Variants in NUDCD1 observed in about 807,000 individuals in gnomAD.
The protein encoded by NUDCD1 is NudC domain containing 1.
Under a neutral mutation model 67.8 loss-of-function variants are expected in NUDCD1, and 60 were observed. The ratio of observed to expected loss-of-function variants is 0.88; its 90% CI spans 0.72 to 1.10. The LOEUF (loss-of-function observed/expected upper bound fraction) is 1.10. Ranked by LOEUF, NUDCD1 falls within the 50% of genes least tolerant of loss-of-function variation. The pLI, the probability that NUDCD1 is intolerant of heterozygous loss-of-function variation, is 0.00. For missense variants in NUDCD1, 643 were observed against 695.0 expected (o/e 0.93, Z 0.84); for synonymous variants, 244 against 230.8 (o/e 1.06, Z -0.52).
chr8:109,300,673 A>G (rs968564804), intron 2 of NUDCD1, among the ~76,000 whole-genome samples: 1 of 152,184 alleles, frequency 6.6e-6, no homozygotes, highest in Admixed American at 6.5e-5. Flanking sequence ...TGGAAAACAT[A>G]TTTGGGGGAA....
intron 8 of NUDCD1, among the ~76,000 whole-genome samples, chr8:109,257,230 C>T (rs1813760481): frequency 6.6e-6 from 1 of 152,010 alleles, no homozygotes; most frequent in African/African-American, 2.4e-5. Flanking sequence ...ACAGATACTA[C>T]CCTGTACACT....
chr8:109,312,836 G>A (rs1235888662), intron 2 of NUDCD1, among the ~76,000 whole-genome samples: 2 of 152,162 alleles, frequency 1.3e-5, no homozygotes, highest in African/African-American at 4.8e-5. Flanking sequence ...CTGCATGACC[G>A]TGATGGAGCA....
intron 1 of NUDCD1, among the ~76,000 whole-genome samples, chr8:109,326,843 T>G (rs1815692354): frequency 6.6e-6 from 1 of 152,182 alleles, no homozygotes; most frequent in Non-Finnish European, 1.5e-5. Context: ...TGGTTGGCAT[T>G]GGGCACAAAC....
chr8:109,322,260 G>A, intron 2 of NUDCD1, 49 bp downstream of exon 2: 1 of 965,102 alleles, frequency 1.0e-6, no homozygotes, highest in Non-Finnish European at 1.5e-6. Context: ...TATCAAATTT[G>A]CTTGATATTA....
chr8:109,330,245 T>C (rs1269217952), intron 1 of NUDCD1, among the ~76,000 whole-genome samples: 1 of 152,234 alleles, frequency 6.6e-6, no homozygotes, highest in African/African-American at 2.4e-5. Flanking sequence ...TTACTGCTTA[T>C]GTAGCAAAGG....
In NUDCD1 at chr8:109,313,317, C is replaced by T. The variant is rs112138395; in HGVS notation, c.273+8992G>A. Among the ~76,000 whole-genome samples the T allele has an allele frequency of 1.5e-3, 229 of 152,020 alleles. 2 individuals are homozygous for T. The highest frequency in any genetic ancestry group is 5.4e-3 in the African/African-American group (225 of 41,442). ...CAAATAATTGTTAAATATACTAAGG[C>T]GGATTAATAATACTGACATAAAATA... On this transcript the variant is annotated intron_variant, in intron 2 of 9. Transcript: ENST00000239690.
chr8:109,317,778 T>C (rs772412660), intron 2 of NUDCD1, among the ~76,000 whole-genome samples: 1 of 152,212 alleles, frequency 6.6e-6, no homozygotes, highest in Non-Finnish European at 1.5e-5. Context: ...CTCTTTATAT[T>C]TGCATAATGC....
At chr8:109,285,709 C>G (rs549761283) in intron 5 of NUDCD1, among the ~76,000 whole-genome samples, 2 of 152,238 alleles carry the variant, frequency 1.3e-5, no homozygotes, top group African/African-American at 4.8e-5. Context: ...CAACATCATA[C>G]TGAACAGGCA....
At chr8:109,327,441 G>C (rs1231549640) in intron 1 of NUDCD1, among the ~76,000 whole-genome samples, 1 of 152,002 alleles carries the variant, frequency 6.6e-6, no homozygotes, top group Admixed American at 6.5e-5. Context: ...CCTCTGCTCT[G>C]AAGAAAGAAA....
chr8:109,244,212 T>A lies in NUDCD1; in HGVS notation c.1460-911A>T, dbSNP rs1813444017. Among the ~76,000 whole-genome samples, 3 of 152,140 alleles carry A rather than the reference T, an allele frequency of 2.0e-5. 1 individual carries two copies. The East Asian group carries it at 5.8e-4, about 29-fold the overall frequency. ...AGGTTTGAAGCAGGAAAAGTGAAGA[T>A]TTAGATACCTATTTAAATAGTTTAA... is the stretch of plus-strand genomic sequence containing the variant. On this transcript the variant is annotated intron_variant, in intron 9 of 9. Transcript: ENST00000239690.
At chr8:109,292,249 T>A (rs1814727052) in intron 4 of NUDCD1, among the ~76,000 whole-genome samples, 1 of 152,120 alleles carries the variant, frequency 6.6e-6, no homozygotes, top group African/African-American at 2.4e-5. Flanking sequence ...GATCTTATGG[T>A]TACCAACTGG....
intron 8 of NUDCD1, among the ~76,000 whole-genome samples, chr8:109,248,844 T>C (rs932569470): frequency 1.3e-5 from 2 of 152,116 alleles, no homozygotes; most frequent in Admixed American, 1.3e-4. Flanking sequence ...CAAAACTGGA[T>C]CACAATTTGC....
chr8:109,251,498 T>C (rs1176663123), intron 8 of NUDCD1, among the ~76,000 whole-genome samples: 4 of 152,104 alleles, frequency 2.6e-5, no homozygotes, highest in Non-Finnish European at 4.4e-5. Flanking sequence ...TAAGTGAACT[T>C]TAGTAATTTT....
At chr8:109,313,779 C>A in intron 2 of NUDCD1, 1 of 653,346 alleles carries the variant, frequency 1.5e-6, no homozygotes, top group South Asian at 1.5e-5. Flanking sequence ...GCATTTTAAG[C>A]CATTTTCTTT....
At chr8:109,285,508 A>G (rs1236687835) in intron 5 of NUDCD1, among the ~76,000 whole-genome samples, 1 of 152,238 alleles carries the variant, frequency 6.6e-6, no homozygotes, top group African/African-American at 2.4e-5. Context: ...TTAGTTTAAC[A>G]TATGCAAATC....
rs1554617136 is a variant in NUDCD1 at position 109,311,559 on chromosome 8, G to GTATATATATATATATATATATATATA, written c.273+10749_273+10750insTATATATATATATATATATATATATA. On this transcript the variant is annotated intron_variant, in intron 2 of 9. Coordinates refer to ENST00000239690, the MANE Select transcript of NUDCD1 (RefSeq NM_032869.4). ...AATGAGTGGATAAAGAAACTGTGGTGTATATATATATATGATGGGATACTG... is the reference window on the plus strand; with the variant it reads ...AATGAGTGGATAAAGAAACTGTGGTGTATATATATATATATATATATATATATATATATATATATGATGGGATACTG... Among the ~76,000 whole-genome samples the GTATATATATATATATATATATATATA allele has an allele frequency of 8.1e-4, 101 of 125,108 alleles. 3 individuals carry two copies. Among genetic ancestry groups the GTATATATATATATATATATATATATA allele is most frequent in the African/African-American group, 3.0e-3 (87 of 28,720 alleles). 82.1% of individuals were successfully genotyped at this position (125,108 alleles called of 152,430 possible). A position where few individuals can be genotyped will look rare whatever the true frequency, so the allele number is the denominator to read the frequency against.
At chr8:109,246,078 C>A (rs924100252) in intron 8 of NUDCD1, among the ~76,000 whole-genome samples, 4 of 152,160 alleles carry the variant, frequency 2.6e-5, no homozygotes, top group African/African-American at 9.7e-5. Context: ...ACAGTTTCAT[C>A]CTGAAACCAT....
In NUDCD1 at chr8:109,242,344, A is replaced by G; in HGVS notation, c.*665T>C. ...GAGACAGCCAACTCACTGAATCGTGAAAAATAATAAAAGTCCTTGTTTTAA... is the reference window on the plus strand; with the variant it reads ...GAGACAGCCAACTCACTGAATCGTGGAAAATAATAAAAGTCCTTGTTTTAA... On this transcript the variant is annotated 3_prime_UTR_variant, in exon 10 of 10. Coordinates refer to ENST00000239690, the MANE Select transcript of NUDCD1 (RefSeq NM_032869.4). 1 of 389,380 alleles carries G rather than the reference A, an allele frequency of 2.6e-6. No homozygotes were observed. The highest frequency in any genetic ancestry group is 3.6e-5 in the East Asian group (1 of 27,538). The allele number at this position is 389,380 out of a possible 1,614,324, so 24.1% of individuals were successfully genotyped here. A position where few individuals can be genotyped will look rare whatever the true frequency, so the allele number is the denominator to read the frequency against.
intron 4 of NUDCD1, among the ~76,000 whole-genome samples, chr8:109,292,410 A>G (rs1433077842): frequency 1.5e-5 from 2 of 135,034 alleles, no homozygotes; most frequent in Non-Finnish European, 3.1e-5. Context: ...TTTATAAACA[A>G]TTTTGAGATA....
Sources: allele counts gnomAD v4.1 joint callset (sites outside exome capture counted in the v4.1 genomes callset), GRCh38; gene constraint gnomAD v4.1.1; transcripts MANE v1.5; gene names NCBI Gene and HGNC (gene_info 2026-07-23, HGNC 2026-07-21).